The following GPC6 variants were observed in gnomAD, a reference collection of about 807,000 sequenced individuals.
GPC6 encodes glypican 6, also known as glypican-6.
In GPC6, 14 loss-of-function variants were observed where a neutral mutation model predicts 55.2. That is an observed-to-expected ratio of 0.25 (90% CI 0.17 to 0.40). The LOEUF is 0.40. Ranked by LOEUF, GPC6 falls within the 10% of genes least tolerant of loss-of-function variation. GPC6 has a pLI of 1.00. For synonymous variants in GPC6, 278 were observed against 259.6 expected, an observed-to-expected ratio of 1.07 and a Z score of -0.68; for missense variants, 641 against 708.5, an observed-to-expected ratio of 0.90 and a Z score of 1.08.
intron 3 of GPC6, among the ~76,000 whole-genome samples, chr13:93,845,306 T>A (rs1021424331): frequency 2.2e-3 from 337 of 150,646 alleles, no homozygotes; most frequent in Middle Eastern, 6.8e-3. Flanking sequence ...CCAGTTAGAA[T>A]GGCAATCATT....
chr13:93,490,142 A>C (rs1002479790), intron 1 of GPC6, among the ~76,000 whole-genome samples: 11 of 151,464 alleles, frequency 7.3e-5, no homozygotes, highest in Admixed American at 5.9e-4. Context: ...GATATGTCCC[A>C]TCAATACCTA....
chr13:93,736,307 C>A (rs1884000480), intron 2 of GPC6, among the ~76,000 whole-genome samples: 1 of 152,190 alleles, frequency 6.6e-6, no homozygotes, highest in Non-Finnish European at 1.5e-5. Context: ...AAGTTCTCAT[C>A]TCCTAAATAT....
chr13:93,575,545 A>G (rs1045182157), intron 2 of GPC6, among the ~76,000 whole-genome samples: 1 of 152,174 alleles, frequency 6.6e-6, no homozygotes, highest in South Asian at 2.1e-4. Flanking sequence ...CTGCTGGTCC[A>G]TGGAGCATCC....
intron 2 of GPC6, among the ~76,000 whole-genome samples, chr13:93,794,206 T>A (rs1284841203): frequency 3.3e-5 from 5 of 152,214 alleles, no homozygotes; most frequent in East Asian, 3.8e-4. Flanking sequence ...GCATTTTTTT[T>A]AAATGCCCAG....
intron 1 of GPC6, among the ~76,000 whole-genome samples, chr13:93,304,775 A>C (rs1176089776): frequency 6.6e-6 from 1 of 152,154 alleles, no homozygotes; most frequent in East Asian, 1.9e-4. Context: ...AGAATTACTA[A>C]GAGGATCTTG....
At chr13:93,571,970 A>G (rs1431560056) in intron 2 of GPC6, among the ~76,000 whole-genome samples, 1 of 152,170 alleles carries the variant, frequency 6.6e-6, no homozygotes, top group Admixed American at 6.6e-5. Flanking sequence ...TTTTACCATT[A>G]TAACTCTGCA....
At chr13:94,073,603 T>C (rs191660918) in intron 4 of GPC6, among the ~76,000 whole-genome samples, 1 of 152,174 alleles carries the variant, frequency 6.6e-6, no homozygotes, top group Non-Finnish European at 1.5e-5. Flanking sequence ...AAAAGAGTCA[T>C]TGTGGATAAA....
chr13:94,399,438 AAG>A (rs1343901808), intron 8 of GPC6, among the ~76,000 whole-genome samples: 1 of 152,202 alleles, frequency 6.6e-6, no homozygotes, highest in African/African-American at 2.4e-5. Flanking sequence ...ACTACAAAAA[AAG>A]AGTTTTTTCT....
At chr13:93,839,736 G>A (rs1427949567) in intron 3 of GPC6, among the ~76,000 whole-genome samples, 2 of 152,132 alleles carry the variant, frequency 1.3e-5, no homozygotes, top group East Asian at 3.9e-4. Context: ...ATGTTCCCTG[G>A]TGCAATATCA....
intron 1 of GPC6, among the ~76,000 whole-genome samples, chr13:93,494,488 CTG>C (rs1394878753): frequency 6.6e-6 from 1 of 152,136 alleles, no homozygotes; most frequent in Non-Finnish European, 1.5e-5. Context: ...GCTTGCCAGT[CTG>C]TGTCTTTTAA....
chr13:93,465,812 C>G (rs1345360663), intron 1 of GPC6, among the ~76,000 whole-genome samples: 2 of 152,174 alleles, frequency 1.3e-5, no homozygotes, highest in African/African-American at 4.8e-5. Context: ...TTCAATGTGC[C>G]TTAATCGCTA....
At chr13:94,384,773 A>AT (rs1028213817) in intron 7 of GPC6, among the ~76,000 whole-genome samples, 7 of 152,012 alleles carry the variant, frequency 4.6e-5, no homozygotes, top group African/African-American at 9.7e-5. Flanking sequence ...CTAGCCCAGT[A>AT]TTTTTTTTAT....
chr13:93,490,020 G>A (rs1385605091), intron 1 of GPC6, among the ~76,000 whole-genome samples: 2 of 150,894 alleles, frequency 1.3e-5, no homozygotes, highest in South Asian at 2.1e-4. Flanking sequence ...TAGGAGTGGT[G>A]AGAGAGGGCA....
rs35545528 is a variant in GPC6 at position 93,970,251 on chromosome 13, G to GA, written c.712-57471dup. Among the ~76,000 whole-genome samples, 4 of 152,120 alleles carry GA rather than the reference G, an allele frequency of 2.6e-5. No homozygotes were observed. In the South Asian group the frequency reaches 8.3e-4, roughly 32 times the overall value. On this transcript the variant is annotated intron_variant, in intron 3 of 8. Coordinates refer to ENST00000377047, the MANE Select transcript of GPC6 (RefSeq NM_005708.5). Reference sequence around the variant, plus strand: ...TGTATACTCATAATTAACCTGTCACGAAAAAAATTTGGGGTGCCATAAATC... The same window carrying GA: ...TGTATACTCATAATTAACCTGTCACGAAAAAAAATTTGGGGTGCCATAAATC...
intron 3 of GPC6, among the ~76,000 whole-genome samples, chr13:93,885,531 C>T (rs887624808): frequency 2.0e-5 from 3 of 151,726 alleles, no homozygotes; most frequent in African/African-American, 7.3e-5. Context: ...AAATTAAAAA[C>T]CACTGGTAAG....
chr13:94,118,457 G>A (rs142081072), intron 4 of GPC6, among the ~76,000 whole-genome samples: 34 of 152,106 alleles, frequency 2.2e-4, no homozygotes, highest in Non-Finnish European at 4.3e-4. Context: ...GTTCTTTATA[G>A]CAGCATGAGA....
intron 1 of GPC6, among the ~76,000 whole-genome samples, chr13:93,520,440 A>G (rs1396337375): frequency 6.6e-6 from 1 of 151,928 alleles, no homozygotes; most frequent in African/African-American, 2.4e-5. Flanking sequence ...ATGTTTTTCA[A>G]TCAAAGGACC....
At chr13:94,160,734 T>C (rs1404263373) in intron 4 of GPC6, among the ~76,000 whole-genome samples, 2 of 152,214 alleles carry the variant, frequency 1.3e-5, no homozygotes, top group Non-Finnish European at 2.9e-5. Flanking sequence ...GTACTAAACA[T>C]AGCCCTTTTT....
At chr13:93,313,459 A>G (rs1189110309) in intron 1 of GPC6, among the ~76,000 whole-genome samples, 2 of 152,046 alleles carry the variant, frequency 1.3e-5, no homozygotes, top group East Asian at 1.9e-4. Context: ...GTAATATGAA[A>G]CTCCTGAGAT....
Sources: gnomAD v4.1 joint callset for allele counts (sites outside exome capture counted in the v4.1 genomes callset) on GRCh38, gnomAD v4.1.1 for gene constraint, MANE v1.5 for transcripts, NCBI Gene and HGNC (gene_info 2026-07-23, HGNC 2026-07-21) for gene names.